NTRK2: variants seen among roughly 807,000 people sequenced by gnomAD.
The protein encoded by NTRK2 is BDNF/NT-3 growth factors receptor.
Under a neutral mutation model 94.5 loss-of-function variants are expected in NTRK2, and 13 were observed. The ratio of observed to expected loss-of-function variants is 0.14; its 90% CI spans 0.09 to 0.22. The LOEUF (loss-of-function observed/expected upper bound fraction) is 0.22, where lower values mean the gene tolerates loss of function less well. Among genes scored for constraint, NTRK2 ranks in the 10% least tolerant of loss-of-function variants. The pLI is 1.00. For synonymous variants in NTRK2, 372 were observed against 407.4 expected (o/e 0.91, Z 1.05); for missense variants, 639 against 1,071.2 (o/e 0.60, Z 5.63).
chr9:84,812,527 C>T (rs537633920), intron 12 of NTRK2: 22 of 1,046,360 alleles, frequency 2.1e-5, no homozygotes, highest in Admixed American at 5.5e-5. Context: ...ACTTAGATTC[C>T]GATCTTTCCC....
intron 14 of NTRK2, among the ~76,000 whole-genome samples, chr9:84,878,078 C>T (rs1248380286): frequency 6.6e-6 from 1 of 152,178 alleles, no homozygotes; most frequent in Non-Finnish European, 1.5e-5. Context: ...AACTCCTTCA[C>T]TCAGGTAGGC....
intron 12 of NTRK2, among the ~76,000 whole-genome samples, chr9:84,790,700 A>G (rs1011057563): frequency 6.6e-6 from 1 of 152,244 alleles, no homozygotes; most frequent in Non-Finnish European, 1.5e-5. Flanking sequence ...AGTGTGGGGC[A>G]GATGAGATGC....
At position 84,675,324 on chromosome 9, in the gene NTRK2, C is replaced by CTTTTTTTTTTTTTTTTTTTTTTTTTTT. The variant is rs536445167; in HGVS notation, c.212+4365_212+4391dup. Among the ~76,000 whole-genome samples, 5 of 67,324 alleles carry CTTTTTTTTTTTTTTTTTTTTTTTTTTT rather than the reference C, an allele frequency of 7.4e-5. 1 individual carries two copies. Among genetic ancestry groups the CTTTTTTTTTTTTTTTTTTTTTTTTTTT allele is most frequent in the African/African-American group, 1.2e-4 (2 of 16,504 alleles). 44.2% of individuals were successfully genotyped at this position (67,324 alleles called of 152,430 possible). On this transcript the variant is annotated intron_variant, in intron 2 of 18. Transcript: ENST00000277120. ...CTCTTCTCCTTTCTTTCTTTCTTTC[C>CTTTTTTTTTTTTTTTTTTTTTTTTTTT]TTTTTTTTTTTTTTTTTTTTTTTTT...
chr9:84,678,578 A>G (rs768739661), intron 2 of NTRK2, among the ~76,000 whole-genome samples: 4 of 152,040 alleles, frequency 2.6e-5, no homozygotes, highest in Non-Finnish European at 4.4e-5. Context: ...GTGGCAAGTG[A>G]CCTCTCTTTT....
At chr9:84,742,381 C>G (rs2063712565) in intron 10 of NTRK2, among the ~76,000 whole-genome samples, 2 of 152,208 alleles carry the variant, frequency 1.3e-5, no homozygotes, top group African/African-American at 2.4e-5. Context: ...AGCAGCTCCA[C>G]TATGTCATCT....
chr9:84,690,746 TTA>T (rs1476770777), intron 2 of NTRK2, among the ~76,000 whole-genome samples: 1 of 151,922 alleles, frequency 6.6e-6, no homozygotes, highest in Non-Finnish European at 1.5e-5. Flanking sequence ...AAATGATAAT[TTA>T]TATGTTAGAT....
chr9:85,006,207 C>T (rs1021654212), intron 17 of NTRK2, among the ~76,000 whole-genome samples: 2 of 152,096 alleles, frequency 1.3e-5, no homozygotes, highest in African/African-American at 4.8e-5. Flanking sequence ...TGCAAATAGT[C>T]CATTGAGAGA....
chr9:84,691,724 C>T (rs940202902), intron 2 of NTRK2, among the ~76,000 whole-genome samples: 10 of 150,778 alleles, frequency 6.6e-5, no homozygotes, highest in Non-Finnish European at 4.4e-5. Context: ...AGAACTTAGA[C>T]AAATGCTTGA....
intron 6 of NTRK2, among the ~76,000 whole-genome samples, chr9:84,716,242 C>A (rs1419591469): frequency 3.3e-5 from 5 of 152,110 alleles, no homozygotes; most frequent in Non-Finnish European, 7.4e-5. Flanking sequence ...TTCAGTTTTC[C>A]ACTTTTCCAA....
At chr9:84,870,165 A>AT in intron 14 of NTRK2, among the ~76,000 whole-genome samples, 1 of 139,188 alleles carries the variant, frequency 7.2e-6, no homozygotes, top group Non-Finnish European at 1.5e-5. Flanking sequence ...ACATACATGT[A>AT]CTGTATATAT....
chr9:84,817,887 G>C (rs943843193), intron 12 of NTRK2, among the ~76,000 whole-genome samples: 4 of 152,172 alleles, frequency 2.6e-5, no homozygotes, highest in Non-Finnish European at 4.4e-5. Context: ...TAAATTTCAT[G>C]TTATTAAAAA....
chr9:84,945,428 C>T (rs1257077710), intron 15 of NTRK2, among the ~76,000 whole-genome samples: 1 of 152,144 alleles, frequency 6.6e-6, no homozygotes, highest in Admixed American at 6.5e-5. Context: ...GAGAAAGGCA[C>T]TGGTGTGTGT....
intron 2 of NTRK2, among the ~76,000 whole-genome samples, chr9:84,699,316 G>A (rs550759741): frequency 1.4e-4 from 21 of 152,286 alleles, no homozygotes; most frequent in East Asian, 7.7e-4. Context: ...GATTACAGGC[G>A]TGAGGCACTG....
chr9:84,856,574 T>C lies in NTRK2; in HGVS notation c.1397-4466T>C, dbSNP rs997258633. On this transcript the variant is annotated intron_variant, in intron 12 of 18. Transcript: ENST00000277120. Reference sequence around the variant, plus strand: ...AGGCAAGCACTTGGCCTGTCTACTCTGGACTCAACTCTGGTCCATTCTCTC... The same window carrying C: ...AGGCAAGCACTTGGCCTGTCTACTCCGGACTCAACTCTGGTCCATTCTCTC... Among the ~76,000 whole-genome samples the C allele has an allele frequency of 2.0e-5, 3 of 152,296 alleles. No individual in the cohort carries two copies. The East Asian group carries it at 5.8e-4, about 29-fold the overall frequency.
intron 10 of NTRK2, among the ~76,000 whole-genome samples, chr9:84,742,542 C>T (rs2063726704): frequency 6.6e-6 from 1 of 152,116 alleles, no homozygotes; most frequent in Non-Finnish European, 1.5e-5. Context: ...AAGGCGTCCT[C>T]AAGGAAAGAG....
At chr9:84,917,513 A>G (rs1407384330) in intron 14 of NTRK2, among the ~76,000 whole-genome samples, 1 of 152,144 alleles carries the variant, frequency 6.6e-6, no homozygotes, top group African/African-American at 2.4e-5. Flanking sequence ...ATATCATGAC[A>G]GTGATCGAGT....
rs552881056 is a variant in NTRK2 at position 84,954,660 on chromosome 9, T to C, written c.1938-623T>C. Among the ~76,000 whole-genome samples, 25 of 152,310 alleles carry C rather than the reference T, an allele frequency of 1.6e-4. No homozygotes were observed. In the South Asian group the frequency reaches 4.6e-3, roughly 28 times the overall value. On this transcript the variant is annotated intron_variant, in intron 16 of 18. Transcript: ENST00000277120. ...TTGAGAATGCCCTGGGACTCTGTTG[T>C]TGAACTGGGCTTGAGAGAGCCAGGC...
At chr9:85,001,547 A>G (rs1830342926) in intron 17 of NTRK2, among the ~76,000 whole-genome samples, 1 of 114,572 alleles carries the variant, frequency 8.7e-6, no homozygotes, top group Non-Finnish European at 1.8e-5. Flanking sequence ...AATCTTTATG[A>G]GGAATTCTCT....
At chr9:85,009,982 G>A (rs754311275) in intron 17 of NTRK2, among the ~76,000 whole-genome samples, 13 of 152,180 alleles carry the variant, frequency 8.5e-5, no homozygotes, top group Non-Finnish European at 1.8e-4. Context: ...GGCTAATGGT[G>A]GAATGTAGAT....
Sources: gnomAD v4.1 joint callset for allele counts (sites outside exome capture counted in the v4.1 genomes callset) on GRCh38, gnomAD v4.1.1 for gene constraint, MANE v1.5 for transcripts, NCBI Gene and HGNC (gene_info 2026-07-23, HGNC 2026-07-21) for gene names.